SCEL: variants seen among roughly 807,000 people sequenced by gnomAD.
SCEL encodes the protein sciellin.
A neutral mutation model predicts 117.6 loss-of-function variants in SCEL; 113 were observed. The ratio of observed to expected loss-of-function variants is 0.96; its 90% CI spans 0.83 to 1.12. The LOEUF (loss-of-function observed/expected upper bound fraction) is 1.12. Among genes scored for constraint, SCEL ranks in the 50% most tolerant of loss-of-function variants. The probability of loss-of-function intolerance (pLI) is 0.00; values close to 1 mark genes in which losing one functional copy is unlikely to be tolerated. For synonymous variants in SCEL, 270 were observed against 256.2 expected, an observed-to-expected ratio of 1.05 and a Z score of -0.51; for missense variants, 785 against 810.8, an observed-to-expected ratio of 0.97 and a Z score of 0.39.
intron 9 of SCEL, among the ~76,000 whole-genome samples, chr13:77,578,938 T>G (rs1329406050): frequency 6.6e-6 from 1 of 152,142 alleles, no homozygotes; most frequent in Non-Finnish European, 1.5e-5. Flanking sequence ...TGTAGTATCT[T>G]TAGAGTGAAG....
At chr13:77,564,567 A>G (rs2085180179) in intron 5 of SCEL, among the ~76,000 whole-genome samples, 1 of 152,308 alleles carries the variant, frequency 6.6e-6, no homozygotes, top group Non-Finnish European at 1.5e-5. Flanking sequence ...AGAGGCGCTT[A>G]GTAAGCATAA....
intron 1 of SCEL, among the ~76,000 whole-genome samples, chr13:77,551,372 G>C (rs962399354): frequency 1.3e-5 from 2 of 152,206 alleles, no homozygotes; most frequent in Non-Finnish European, 2.9e-5. Context: ...CTCTTTGAAT[G>C]ACTTGCCTAT....
intron 27 of SCEL, among the ~76,000 whole-genome samples, chr13:77,624,776 A>G (rs1332211811): frequency 6.6e-6 from 1 of 152,200 alleles, no homozygotes; most frequent in Non-Finnish European, 1.5e-5. Context: ...TATGGTGGAC[A>G]CTATGTCCCT....
At chr13:77,544,232 T>G (rs1309577841) in intron 1 of SCEL, among the ~76,000 whole-genome samples, 1 of 152,202 alleles carries the variant, frequency 6.6e-6, no homozygotes, top group Non-Finnish European at 1.5e-5. Flanking sequence ...TCCTTTATTG[T>G]GTTAATTTAC....
intron 19 of SCEL, among the ~76,000 whole-genome samples, chr13:77,604,673 C>A (rs1226029646): frequency 6.6e-6 from 1 of 152,120 alleles, no homozygotes; most frequent in African/African-American, 2.4e-5. Context: ...CTCTACTGAA[C>A]TAAATGATTT....
rs1280854840 is a variant in SCEL at position 77,569,451 on chromosome 13, G to C, written c.479G>C (p.Arg160Thr). 10 of 1,610,834 alleles carry C rather than the reference G, an allele frequency of 6.2e-6. No individual in the cohort carries two copies. Among genetic ancestry groups the C allele is most frequent in the Non-Finnish European group, 2.5e-6 (3 of 1,177,232 alleles). Residue 160 changes from arginine to threonine, a missense_variant and splice_region_variant, in exon 8 of 33, where the codon AGG (arginine) becomes ACG (threonine). Coordinates refer to ENST00000349847, the MANE Select transcript of SCEL (RefSeq NM_144777.3). Reference protein sequence around the residue: ...TSATTPVKKKRQSWFPPPPPG... With the variant: ...TSATTPVKKKTQSWFPPPPPG... ...GCTACTACTCCTGTAAAGAAGAAGAGGTAGGATGAACTCACTGTGTCTACC... is the reference window on the plus strand; with the variant it reads ...GCTACTACTCCTGTAAAGAAGAAGACGTAGGATGAACTCACTGTGTCTACC...
At position 77,634,440 on chromosome 13, in the gene SCEL, G is replaced by T. The variant is rs34544555; in HGVS notation, c.1753G>T (p.Val585Leu). Residue 585 changes from valine (V) to leucine (L), a missense_variant, in exon 29 of 33, where the codon GTG (valine) becomes TTG (leucine). Coordinates refer to ENST00000349847, the MANE Select transcript of SCEL (RefSeq NM_144777.3). Reference protein sequence around the residue: ...QDTVVYTRTYVENSKSPKDGY... With the variant: ...QDTVVYTRTYLENSKSPKDGY... ...TACTGTTGTGTACACAAGGACATAT[G>T]TGGAGAATAGGTATTCAAAATTTAT... is the stretch of plus-strand genomic sequence containing the variant. 111 of 1,611,100 alleles carry T rather than the reference G, an allele frequency of 6.9e-5. No individual in the cohort carries two copies. The African/African-American group carries it at 1.4e-3, about 20-fold the overall frequency.
chr13:77,588,617 A>T (rs1470497758), intron 9 of SCEL, among the ~76,000 whole-genome samples: 1 of 152,182 alleles, frequency 6.6e-6, no homozygotes, highest in Non-Finnish European at 1.5e-5. Context: ...GGTAGATTGT[A>T]TATATGCTTT....
chr13:77,612,593 A>G (rs893504302), intron 22 of SCEL, among the ~76,000 whole-genome samples: 18 of 150,920 alleles, frequency 1.2e-4, no homozygotes, highest in Admixed American at 1.0e-3. Context: ...TCCAGAAAAT[A>G]TTATAAATGG....
intron 9 of SCEL, among the ~76,000 whole-genome samples, chr13:77,583,053 A>G (rs2086353841): frequency 6.6e-6 from 1 of 152,246 alleles, no homozygotes; most frequent in Non-Finnish European, 1.5e-5. Context: ...ATGTTCTTAT[A>G]GAGCCAACTT....
intron 28 of SCEL, among the ~76,000 whole-genome samples, chr13:77,629,180 C>G (rs905332446): frequency 3.3e-5 from 5 of 152,204 alleles, no homozygotes; most frequent in Admixed American, 6.5e-5. Flanking sequence ...GTGGCATTGC[C>G]GGGCCTCAGA....
At chr13:77,607,906 T>A in intron 19 of SCEL, 150 bp from the exon 20 acceptor site, 1 of 546,572 alleles carries the variant, frequency 1.8e-6, no homozygotes, top group Non-Finnish European at 3.2e-6. Flanking sequence ...CATAGTCACC[T>A]TTCACAATCT....
intron 16 of SCEL, 162 bp downstream of exon 16, chr13:77,602,286 A>G (rs894291185): frequency 2.2e-5 from 12 of 541,664 alleles, no homozygotes; most frequent in African/African-American, 1.3e-4. Context: ...GTGCTGTTTC[A>G]TAGGACCTCT....
intron 9 of SCEL, among the ~76,000 whole-genome samples, chr13:77,588,239 C>T (rs1169962429): frequency 2.6e-5 from 4 of 152,138 alleles, no homozygotes; most frequent in African/African-American, 9.7e-5. Context: ...TCAGTCCTGA[C>T]AATACCCCAA....
chr13:77,600,857 T>C (rs937635315), intron 15 of SCEL, among the ~76,000 whole-genome samples: 3 of 152,222 alleles, frequency 2.0e-5, no homozygotes, highest in African/African-American at 7.2e-5. Context: ...TTATTTCTAT[T>C]GTCACAGTTA....
chr13:77,554,255 C>T (rs2084521101), intron 1 of SCEL, among the ~76,000 whole-genome samples: 2 of 152,118 alleles, frequency 1.3e-5, no homozygotes, highest in Admixed American at 6.5e-5. Context: ...CCTTTTTTAT[C>T]CCGAGTCAGT....
intron 19 of SCEL, chr13:77,606,701 G>C (rs1157846225): frequency 1.3e-5 from 2 of 152,096 alleles, no homozygotes; most frequent in Non-Finnish European, 2.9e-5. Flanking sequence ...CACATTCTCA[G>C]ACATCTGGAT....
intron 9 of SCEL, among the ~76,000 whole-genome samples, chr13:77,572,698 T>A (rs1364599353): frequency 6.6e-6 from 1 of 152,206 alleles, no homozygotes; most frequent in Non-Finnish European, 1.5e-5. Flanking sequence ...TGTGTGCACG[T>A]CTGAGTCCAA....
At chr13:77,566,246 A>G (rs2085281662) in intron 5 of SCEL, among the ~76,000 whole-genome samples, 1 of 152,226 alleles carries the variant, frequency 6.6e-6, no homozygotes, top group Non-Finnish European at 1.5e-5. Context: ...TTTGGGAGAT[A>G]GACTACTTTC....
Sources: gnomAD v4.1 joint callset for allele counts (sites outside exome capture counted in the v4.1 genomes callset) on GRCh38, gnomAD v4.1.1 for gene constraint, MANE v1.5 for transcripts, NCBI Gene and HGNC (gene_info 2026-07-23, HGNC 2026-07-21) for gene names.